The following BAZ2B variants were observed in gnomAD, a reference collection of about 807,000 sequenced individuals.
BAZ2B encodes the protein bromodomain adjacent to zinc finger domain 2B.
A neutral mutation model predicts 246.0 loss-of-function variants in BAZ2B; 91 were observed. That is an observed-to-expected ratio of 0.37 (90% confidence interval 0.31 to 0.44). The LOEUF is 0.44. Ranked by LOEUF, BAZ2B falls within the 20% of genes least tolerant of loss-of-function variation. The pLI is 1.00. For missense variants in BAZ2B, 2,332 were observed against 2,533.7 expected, an observed-to-expected ratio of 0.92 and a Z score of 1.71; for synonymous variants, 855 against 860.0, an observed-to-expected ratio of 0.99 and a Z score of 0.10.
chr2:159,433,062 G>A lies in BAZ2B; in HGVS notation c.1595C>T (p.Ser532Phe), dbSNP rs368174044. 11 of 1,613,970 alleles carry A rather than the reference G, an allele frequency of 6.8e-6. No homozygotes were observed. Among genetic ancestry groups the A allele is most frequent in the Non-Finnish European group, 9.3e-6 (11 of 1,180,008 alleles). ...NIAAASSTPF[S>F]SPVNLSTSGR... is the part of the protein sequence containing the mutation. Reference sequence around the variant, plus strand: ...ACTTGTACTCAGATTTACAGGTGAGGAAAAAGGGGTGCTACTTGCAGCAGC... The same window carrying A: ...ACTTGTACTCAGATTTACAGGTGAGAAAAAAGGGGTGCTACTTGCAGCAGC... Residue 532 changes from serine (S) to phenylalanine (F), a missense_variant, in exon 9 of 37, where the codon TCC (serine) becomes TTC (phenylalanine). Ser to Phe is a radical substitution (Grantham distance 155). Coordinates refer to ENST00000392783, the MANE Select transcript of BAZ2B (RefSeq NM_013450.4).
the BAZ2B span, among the ~76,000 whole-genome samples, chr2:159,697,417 C>G: frequency 6.6e-6 from 1 of 152,064 alleles, no homozygotes; most frequent in South Asian, 2.1e-4. Context: ...AATGTGATAT[C>G]TAATCAGAAA....
chr2:159,446,694 T>G, intron 6 of BAZ2B, 88 bp downstream of exon 6: 2 of 1,285,046 alleles, frequency 1.6e-6, no homozygotes. Context: ...CATAAGAAAT[T>G]AAACCATAGA....
At chr2:159,439,236 C>G (rs780101153) in intron 6 of BAZ2B, 24 bp from the exon 7 acceptor site, 2 of 1,581,028 alleles carry the variant, frequency 1.3e-6, no homozygotes, top group South Asian at 1.2e-5. Context: ...AGGTAGTTGG[C>G]AAGACTTTAT....
the BAZ2B span, among the ~76,000 whole-genome samples, chr2:159,703,802 C>T: frequency 6.6e-6 from 1 of 151,994 alleles, no homozygotes; most frequent in Non-Finnish European, 1.5e-5. Flanking sequence ...GAGGTCAAGG[C>T]TAGAGTAAGC....
chr2:159,395,736 T>A (rs1359003011), intron 20 of BAZ2B, 33 bp downstream of exon 20: 1 of 1,537,412 alleles, frequency 6.5e-7, no homozygotes, highest in Non-Finnish European at 8.9e-7. Context: ...CATTACTTTA[T>A]AAGGTAATAT....
chr2:159,385,395 G>A, intron 22 of BAZ2B, 26 bp from the exon 23 acceptor site: 1 of 1,577,842 alleles, frequency 6.3e-7, no homozygotes, highest in South Asian at 1.1e-5. Context: ...ATTTTTATCA[G>A]TATTACTCAC....
chr2:159,708,812 T>G, the BAZ2B span, among the ~76,000 whole-genome samples: 2 of 152,076 alleles, frequency 1.3e-5, no homozygotes, highest in Non-Finnish European at 2.9e-5. Flanking sequence ...TCCTCCTGAC[T>G]CAGCCTCTCA....
intron 3 of BAZ2B, among the ~76,000 whole-genome samples, chr2:159,454,230 A>G (rs1248671512): frequency 6.6e-6 from 1 of 152,212 alleles, no homozygotes; most frequent in Non-Finnish European, 1.5e-5. Context: ...CACCAGGTCA[A>G]TACTCAAATT....
chr2:159,549,483 C>T (rs1349520940), intron 2 of BAZ2B, among the ~76,000 whole-genome samples: 1 of 152,148 alleles, frequency 6.6e-6, no homozygotes, highest in African/African-American at 2.4e-5. Flanking sequence ...CCTTTCCATT[C>T]TTCTCCTAAA....
At chr2:159,700,923 A>T in the BAZ2B span, among the ~76,000 whole-genome samples, 1 of 152,308 alleles carries the variant, frequency 6.6e-6, no homozygotes, top group Admixed American at 6.5e-5. Context: ...GTGATGTCTA[A>T]TTTTTATTAG....
At chr2:159,653,882 C>A in the BAZ2B span, among the ~76,000 whole-genome samples, 1 of 152,066 alleles carries the variant, frequency 6.6e-6, no homozygotes, top group African/African-American at 2.4e-5. Flanking sequence ...ACTAATTTAA[C>A]CTCTGTACCA....
chr2:159,624,699 G>A, the BAZ2B span, among the ~76,000 whole-genome samples: 1 of 152,134 alleles, frequency 6.6e-6, no homozygotes, highest in African/African-American at 2.4e-5. Flanking sequence ...AGCACCAAAG[G>A]TAGATAAATC....
intron 27 of BAZ2B, among the ~76,000 whole-genome samples, chr2:159,360,305 C>A (rs1199682714): frequency 1.3e-5 from 2 of 152,110 alleles, no homozygotes; most frequent in South Asian, 2.1e-4. Flanking sequence ...TCCTATCCAC[C>A]AATAATAGAC....
chr2:159,535,280 G>A (rs1489565928), intron 2 of BAZ2B, among the ~76,000 whole-genome samples: 1 of 152,198 alleles, frequency 6.6e-6, no homozygotes, highest in Non-Finnish European at 1.5e-5. Flanking sequence ...CCAGCACTGT[G>A]GGAGACTGAG....
chr2:159,576,958 G>T (rs1284748592), intron 1 of BAZ2B, among the ~76,000 whole-genome samples: 3 of 151,170 alleles, frequency 2.0e-5, no homozygotes, highest in Non-Finnish European at 4.4e-5. Flanking sequence ...AGGCACGGTG[G>T]CTCACACCTG....
chr2:159,456,812 C>T (rs750737378), intron 3 of BAZ2B, among the ~76,000 whole-genome samples: 6 of 152,080 alleles, frequency 3.9e-5, no homozygotes, highest in Admixed American at 3.3e-4. Flanking sequence ...GTAAAGTATA[C>T]TAAGATCACT....
rs1206171503 is a variant in BAZ2B, at chr2:159,438,888, G to A, written c.900+121C>T. Reference sequence around the variant, plus strand: ...AACATTTCTTCATCTTCTTTCTTGGGCAAAAGTATGAACTCAAAGTAATGA... The same window carrying A: ...AACATTTCTTCATCTTCTTTCTTGGACAAAAGTATGAACTCAAAGTAATGA... On this transcript the variant is annotated intron_variant, in intron 7 of 36. Coordinates refer to ENST00000392783, the MANE Select transcript of BAZ2B (RefSeq NM_013450.4). 6.3e-6 allele frequency: 8 copies of A among 1,263,132 alleles called. No individual in the cohort carries two copies. In the East Asian group the frequency reaches 7.0e-5, roughly 11 times the overall value. 78.2% of individuals were successfully genotyped at this position (1,263,132 alleles called of 1,614,324 possible). A position where few individuals can be genotyped will look rare whatever the true frequency, so the allele number is the denominator to read the frequency against.
chr2:159,370,515 C>T (rs1197807112), intron 27 of BAZ2B, among the ~76,000 whole-genome samples: 3 of 151,268 alleles, frequency 2.0e-5, no homozygotes, highest in Non-Finnish European at 3.0e-5. Flanking sequence ...GGACTACAGG[C>T]GCCCGCCACC....
intron 2 of BAZ2B, among the ~76,000 whole-genome samples, chr2:159,488,639 A>T (rs1199710163): frequency 6.6e-6 from 1 of 152,182 alleles, no homozygotes. Flanking sequence ...TATATGTTTC[A>T]GTCTATTTCA....
Sources: gnomAD v4.1 joint callset for allele counts (sites outside exome capture counted in the v4.1 genomes callset) on GRCh38, gnomAD v4.1.1 for gene constraint, MANE v1.5 for transcripts, NCBI Gene and HGNC (gene_info 2026-07-23, HGNC 2026-07-21) for gene names.